Variants in STAU2 observed in about 807,000 individuals in gnomAD.
STAU2 encodes the protein double-stranded RNA-binding protein Staufen homolog 2.
STAU2 carries 20 observed loss-of-function variants against 65.9 expected under a neutral mutation model. The observed-to-expected ratio is 0.30, with a 90% CI of 0.21 to 0.44. The LOEUF is 0.44. STAU2 is among the 20% of genes least tolerant of loss of function. The pLI, the probability that STAU2 is intolerant of heterozygous loss-of-function variation, is 1.00. For missense variants in STAU2, 558 were observed against 683.9 expected (o/e 0.82, Z 2.05); for synonymous variants, 232 against 233.9 (o/e 0.99, Z 0.07).
chr8:73,546,432 A>G (rs1806942239), intron 13 of STAU2, among the ~76,000 whole-genome samples: 1 of 152,152 alleles, frequency 6.6e-6, no homozygotes, highest in African/African-American at 2.4e-5. Context: ...AACATTATAC[A>G]ATAGCTTTCT....
At chr8:73,424,494 C>T (rs895377723) in intron 13 of STAU2, among the ~76,000 whole-genome samples, 1 of 152,064 alleles carries the variant, frequency 6.6e-6, no homozygotes, top group Non-Finnish European at 1.5e-5. Flanking sequence ...AGCCACTGCA[C>T]CCGGCCCCTC....
rs192537656 is a variant in STAU2, at chr8:73,499,275, C to T, written c.1530+52737G>A. On this transcript the variant is annotated intron_variant, in intron 13 of 14. Coordinates refer to ENST00000524300, the MANE Select transcript of STAU2 (RefSeq NM_001164380.2). Reference sequence around the variant, plus strand: ...TATGTCCTGTTGTTACTCTGGAGAACCCTGACTGACACAGGGTGTCATGGC... The same window carrying T: ...TATGTCCTGTTGTTACTCTGGAGAATCCTGACTGACACAGGGTGTCATGGC... Among the ~76,000 whole-genome samples the T allele has an allele frequency of 4.2e-3, 642 of 151,912 alleles. 1 individual carries two copies. Among genetic ancestry groups the T allele is most frequent in the Non-Finnish European group, 7.7e-3 (521 of 67,834 alleles).
intron 11 of STAU2, among the ~76,000 whole-genome samples, chr8:73,592,036 T>C (rs1204404689): frequency 6.6e-6 from 1 of 151,220 alleles, no homozygotes; most frequent in Admixed American, 6.6e-5. Flanking sequence ...CTCAGATGTA[T>C]AGCCTAAGCT....
At chr8:73,710,825 T>A (rs1820839538) in intron 3 of STAU2, among the ~76,000 whole-genome samples, 1 of 152,108 alleles carries the variant, frequency 6.6e-6, no homozygotes, top group African/African-American at 2.4e-5. Flanking sequence ...TAAATACAGT[T>A]CAATTGTAGC....
At chr8:73,461,274 C>T (rs1047246509) in intron 13 of STAU2, among the ~76,000 whole-genome samples, 4 of 152,090 alleles carry the variant, frequency 2.6e-5, no homozygotes, top group South Asian at 2.1e-4. Flanking sequence ...CAGATATACA[C>T]GACAGATCAA....
At chr8:73,549,935 G>A (rs1159340445) in intron 13 of STAU2, 2 of 985,518 alleles carry the variant, frequency 2.0e-6, no homozygotes, top group East Asian at 2.3e-4. Flanking sequence ...TTTCTACCAG[G>A]TAAATATACC....
chr8:73,470,357 G>A (rs1296032379), intron 13 of STAU2, among the ~76,000 whole-genome samples: 1 of 152,128 alleles, frequency 6.6e-6, no homozygotes. Flanking sequence ...AGAGAATTAG[G>A]AAAAGCTTTA....
intron 13 of STAU2, among the ~76,000 whole-genome samples, chr8:73,460,503 T>C (rs886378094): frequency 6.6e-6 from 1 of 152,248 alleles, no homozygotes; most frequent in African/African-American, 2.4e-5. Flanking sequence ...TGGAAATTGA[T>C]GTGAGTACCC....
intron 6 of STAU2, chr8:73,652,268 T>C (rs1305634265): frequency 6.6e-6 from 1 of 152,204 alleles, no homozygotes; most frequent in Non-Finnish European, 1.5e-5. Context: ...CTTCTCATTT[T>C]GGAAAATGTT....
chr8:73,482,048 T>C (rs1328238490), intron 13 of STAU2, among the ~76,000 whole-genome samples: 2 of 152,164 alleles, frequency 1.3e-5, no homozygotes, highest in East Asian at 3.9e-4. Context: ...GAGATTCTTT[T>C]GGCTGCGGCT....
intron 9 of STAU2, among the ~76,000 whole-genome samples, chr8:73,610,948 G>A (rs1034495944): frequency 1.3e-5 from 2 of 152,140 alleles, no homozygotes; most frequent in African/African-American, 4.8e-5. Context: ...TCTTGGATAG[G>A]TTTCTTAAAT....
rs142816869 is a variant in STAU2, at chr8:73,585,741, G to C, written c.1162-2911C>G. 2.6e-3 allele frequency among the ~76,000 whole-genome samples: 390 copies of C among 152,262 alleles called. 1 individual carries two copies. Among genetic ancestry groups the C allele is most frequent in the African/African-American group, 8.7e-3 (360 of 41,560 alleles). The stretch of plus-strand genomic sequence containing the variant: ...TACTGTACCCCTCAGACACAAACGA[G>C]AAATATAAAAGGAGATGATATGGTT... On this transcript the variant is annotated intron_variant, in intron 11 of 14. Coordinates refer to ENST00000524300, the MANE Select transcript of STAU2 (RefSeq NM_001164380.2).
At chr8:73,593,189 T>A (rs1281711133) in intron 11 of STAU2, among the ~76,000 whole-genome samples, 2 of 152,204 alleles carry the variant, frequency 1.3e-5, no homozygotes, top group Non-Finnish European at 2.9e-5. Flanking sequence ...TCTGGTTGCC[T>A]CCTGACTGGC....
intron 12 of STAU2, among the ~76,000 whole-genome samples, chr8:73,555,347 T>G (rs1024459890): frequency 6.6e-6 from 1 of 151,838 alleles, no homozygotes; most frequent in Non-Finnish European, 1.5e-5. Flanking sequence ...AGAGTCAGAA[T>G]TGCAAATGCA....
intron 9 of STAU2, among the ~76,000 whole-genome samples, chr8:73,605,600 C>T (rs568738872): frequency 6.6e-6 from 1 of 151,960 alleles, no homozygotes; most frequent in Non-Finnish European, 1.5e-5. Context: ...TGAGCCACCG[C>T]ACCTGGCCCC....
At chr8:73,567,519 T>C (rs116426355) in intron 12 of STAU2, among the ~76,000 whole-genome samples, 3,859 of 148,970 alleles carry the variant, frequency 0.026, 170 homozygotes, top group African/African-American at 0.084. Flanking sequence ...ATTAAAAAAA[T>C]TGATTTTTTT....
chr8:73,460,336 T>G lies in STAU2; in HGVS notation c.1531-37634A>C, dbSNP rs529578949. Among the ~76,000 whole-genome samples the G allele has an allele frequency of 6.6e-5, 10 of 152,322 alleles. No homozygotes were observed. The South Asian group carries it at 1.0e-3, about 16-fold the overall frequency. The stretch of plus-strand genomic sequence containing the variant: ...TCTGTTCCAGGTTAGAAGAGAGACA[T>G]TATTTGACAGACAGCACAAATTACT... On this transcript the variant is annotated intron_variant, in intron 13 of 14. Coordinates refer to ENST00000524300, the MANE Select transcript of STAU2 (RefSeq NM_001164380.2).
intron 5 of STAU2, among the ~76,000 whole-genome samples, chr8:73,673,458 T>C (rs1197743155): frequency 1.3e-5 from 2 of 152,126 alleles, no homozygotes; most frequent in Non-Finnish European, 2.9e-5. Flanking sequence ...TGTACATTAA[T>C]GACAAAAAAT....
At chr8:73,630,225 T>C (rs1165667341) in intron 6 of STAU2, among the ~76,000 whole-genome samples, 1 of 152,240 alleles carries the variant, frequency 6.6e-6, no homozygotes, top group Admixed American at 6.5e-5. Context: ...TTTTCCTGCA[T>C]TGCTGCAGAT....
Sources: allele counts gnomAD v4.1 joint callset (sites outside exome capture counted in the v4.1 genomes callset), GRCh38; gene constraint gnomAD v4.1.1; transcripts MANE v1.5; gene names NCBI Gene and HGNC (gene_info 2026-07-23, HGNC 2026-07-21).